PRODH2: variants seen among roughly 807,000 people sequenced by gnomAD.
PRODH2 encodes proline dehydrogenase 2.
A neutral mutation model predicts 51.9 loss-of-function variants in PRODH2; 49 were observed. That is an observed-to-expected ratio of 0.94 (90% CI 0.75 to 1.20). The LOEUF is 1.20. Among genes scored for constraint, PRODH2 ranks in the 50% most tolerant of loss-of-function variants. The pLI, the probability that PRODH2 is intolerant of heterozygous loss-of-function variation, is 0.00. For synonymous variants in PRODH2, 249 were observed against 260.7 expected (o/e 0.96, Z 0.43); for missense variants, 597 against 610.9 (o/e 0.98, Z 0.24).
Position 35,803,412 on chromosome 19 carries a change from A to G in PRODH2, c.1002-334T>C, listed in dbSNP as rs549394167. The stretch of plus-strand genomic sequence containing the variant: ...TGGGATTACAGGCGTGCACCATCAC[A>G]CCCGGCTAATTTTTGTATTTTTAGT... On this transcript the variant is annotated intron_variant, in intron 7 of 9. Coordinates refer to ENST00000653904, the MANE Select transcript of PRODH2 (RefSeq NM_021232.2). Among the ~76,000 whole-genome samples the G allele has an allele frequency of 2.0e-5, 3 of 151,976 alleles. No individual in the cohort carries two copies. The South Asian group carries it at 6.3e-4, about 32-fold the overall frequency.
At chr19:35,802,305 G>T in intron 8 of PRODH2, 29 bp from the exon 9 acceptor site, 2 of 1,604,358 alleles carry the variant, frequency 1.2e-6, no homozygotes, top group Non-Finnish European at 1.7e-6. Context: ...CATCAGTCCA[G>T]ACTGTGGCTG....
chr19:35,812,257 C>A lies in PRODH2; in HGVS notation c.387G>T (p.Glu129Asp). ...SAAKSGEAWY[E>D]GNLGAMLRCV... ...ACCGCAGCATAGCACCGAGGTTCCC[C>A]TCATACCACGCCTCACTGCCCAGCC... The change falls in exon 3 of 10, where the codon GAG becomes GAT. Residue 129 changes from glutamate to aspartate, a missense_variant. Glu to Asp is a conservative substitution (Grantham distance 45). Transcript: ENST00000653904. 6.2e-7 allele frequency: 1 copy of A among 1,613,602 alleles called. No homozygotes were observed. Among genetic ancestry groups the A allele is most frequent in the South Asian group, 1.1e-5 (1 of 91,068 alleles).
chr19:35,812,603 C>G, intron 1 of PRODH2, 29 bp downstream of exon 1: 1 of 1,598,932 alleles, frequency 6.3e-7, no homozygotes, highest in Non-Finnish European at 8.5e-7. Flanking sequence ...TGAGGAGCCT[C>G]CAGGCTGGTC....
chr19:35,800,251 G>C (rs556269960), intron 9 of PRODH2, 29 bp from the exon 10 acceptor site: 1 of 1,503,960 alleles, frequency 6.6e-7, no homozygotes, highest in Admixed American at 2.2e-5. Context: ...TTGTTTTTTC[G>C]TTTTTGGTGT....
chr19:35,802,999 T>G lies in PRODH2; in HGVS notation c.1081A>C (p.Asn361His). ...PMCHLMVASH[N>H]EESVRQATKR... The stretch of plus-strand genomic sequence containing the variant: ...GTTGCCTGGCGAACAGATTCCTCAT[T>G]GTGGGAAGCCACCATGAGGTGGCAC... Residue 361 changes from asparagine to histidine, a missense_variant, in exon 8 of 10, where the codon AAT becomes CAT. Coordinates refer to ENST00000653904, the MANE Select transcript of PRODH2 (RefSeq NM_021232.2). The G allele has an allele frequency of 6.4e-7, 1 of 1,573,970 alleles. No individual in the cohort carries two copies. The highest frequency in any genetic ancestry group is 8.7e-7 in the Non-Finnish European group (1 of 1,155,638).
Position 35,804,860 on chromosome 19 carries a change from T to A in PRODH2, c.1001+1570A>T, listed in dbSNP as rs1440493295. ...CTGAGGTGGGAGGATGGCTTGGGCC[T>A]GGGGAGTCAAGGCTGCAGTGAGCCA... On this transcript the variant is annotated intron_variant, in intron 7 of 9. Transcript: ENST00000653904. Among the ~76,000 whole-genome samples, 4 of 152,118 alleles carry A rather than the reference T, an allele frequency of 2.6e-5. No homozygotes were observed. In the East Asian group the frequency reaches 7.7e-4, roughly 29 times the overall value.
In PRODH2 at chr19:35,812,746, C is replaced by G; in HGVS notation, c.60G>C (p.Gln20His). Residue 20 changes from glutamine to histidine, a missense_variant, in exon 1 of 10, where the codon CAG becomes CAC. Physicochemically the swap from Gln to His is conservative, Grantham distance 24 (BLOSUM62 0). Coordinates refer to ENST00000653904, the MANE Select transcript of PRODH2 (RefSeq NM_021232.2). ...AGGCCCCGCCATCAAAGCTCAGGGA[C>G]TGCCAGCCCCTGGAGGGGGGACCAG... is the stretch of plus-strand genomic sequence containing the variant. ...SQAGPPSRGWQSLSFDGGAFH... is the reference protein window; with the variant it reads ...SQAGPPSRGWHSLSFDGGAFH... The G allele has an allele frequency of 6.2e-7, 1 of 1,610,828 alleles. No homozygotes were observed. Among genetic ancestry groups the G allele is most frequent in the Non-Finnish European group, 8.5e-7 (1 of 1,177,880 alleles).
At chr19:35,803,862 A>G (rs1424254626) in intron 7 of PRODH2, among the ~76,000 whole-genome samples, 1 of 152,238 alleles carries the variant, frequency 6.6e-6, no homozygotes, top group Non-Finnish European at 1.5e-5. Context: ...ATGGAAGAGG[A>G]AATAGATTGG....
rs373040285 is a variant in PRODH2 at position 35,800,147 on chromosome 19, C to G, written c.1274G>C (p.Arg425Thr). The G allele has an allele frequency of 6.2e-7, 1 of 1,605,882 alleles. No individual in the cohort carries two copies. The highest frequency in any genetic ancestry group is 1.1e-5 in the South Asian group (1 of 89,616). Residue 425 changes from arginine (R) to threonine (T), a missense_variant, in exon 10 of 10, where the codon AGG becomes ACG. Coordinates refer to ENST00000653904, the MANE Select transcript of PRODH2 (RefSeq NM_021232.2). ...AAGCACGCTCCGGTTCTCCTGGGCC[C>G]TCCGGATCAGGTAGGGGATTACCTC... ...LEEVIPYLIR[R>T]AQENRSVLQG...
intron 2 of PRODH2, 31 bp from the exon 3 acceptor site, chr19:35,812,303 C>G (rs966387289): frequency 4.3e-6 from 7 of 1,611,144 alleles, no homozygotes; most frequent in Non-Finnish European, 5.9e-6. Context: ...AGGGCCCGAA[C>G]AGCAAAGCCC....
chr19:35,807,418 T>A (rs1476606132), intron 4 of PRODH2, among the ~76,000 whole-genome samples: 6 of 152,192 alleles, frequency 3.9e-5, no homozygotes. Context: ...TTCTCCTGCT[T>A]CAGCCTCCCG....
rs371889697 is a variant in PRODH2, at chr19:35,812,554, G to A, written c.177C>T (p.Leu59=). ...WPPLVTHGLL[L]QAWSRRLLGS... is the part of the protein sequence containing the mutation. ...CCAGGAGTCGCCGAGACCAGGCCTG[G>A]AGCTGGGTGACAGGGAGCGAGGGCT... The change falls in exon 2 of 10, where the codon CTC becomes CTT. Residue 59 remains leucine, a splice_region_variant and synonymous_variant. Transcript: ENST00000653904. 2.5e-6 allele frequency: 4 copies of A among 1,613,374 alleles called. No homozygotes were observed. The highest frequency in any genetic ancestry group is 2.2e-5 in the East Asian group (1 of 44,888).
rs548599620 is a variant in PRODH2 at position 35,801,066 on chromosome 19, C to T, written c.1199-844G>A. On this transcript the variant is annotated intron_variant, in intron 9 of 9. Transcript: ENST00000653904. Reference sequence around the variant, plus strand: ...CCTATAATCCCGGCTACTGGGGAGGCGGAGGCAGGAGAATCACTTGAACCC... The same window carrying T: ...CCTATAATCCCGGCTACTGGGGAGGTGGAGGCAGGAGAATCACTTGAACCC... Among the ~76,000 whole-genome samples the T allele has an allele frequency of 2.6e-5, 4 of 152,068 alleles. No homozygotes were observed. In the East Asian group the frequency reaches 7.7e-4, roughly 29 times the overall value.
intron 5 of PRODH2, 30 bp downstream of exon 5, chr19:35,807,011 G>A (rs1016640772): frequency 1.3e-6 from 2 of 1,548,150 alleles, no homozygotes; most frequent in African/African-American, 1.4e-5. Context: ...AGGGAGGCCC[G>A]GAGGTGCTGG....
chr19:35,804,248 C>T lies in PRODH2; in HGVS notation c.1002-1170G>A, dbSNP rs545484227. Among the ~76,000 whole-genome samples, 48 of 152,262 alleles carry T rather than the reference C, an allele frequency of 3.2e-4. 1 individual carries two copies. The highest frequency in any genetic ancestry group is 1.0e-3 in the African/African-American group (43 of 41,550). Reference sequence around the variant, plus strand: ...TGTTGCCCAGGTTGGAGTGCAGTGGCGTGATCTCGGCTCACGGAATCCTCC... The same window carrying T: ...TGTTGCCCAGGTTGGAGTGCAGTGGTGTGATCTCGGCTCACGGAATCCTCC... On this transcript the variant is annotated intron_variant, in intron 7 of 9. Transcript: ENST00000653904.
intron 7 of PRODH2, among the ~76,000 whole-genome samples, chr19:35,805,161 G>A (rs1263813707): frequency 6.6e-6 from 1 of 151,992 alleles, no homozygotes; most frequent in Non-Finnish European, 1.5e-5. Flanking sequence ...GAGTGGTGAT[G>A]GTTGCACAAT....
intron 4 of PRODH2, among the ~76,000 whole-genome samples, chr19:35,808,519 G>A (rs1031543810): frequency 6.6e-6 from 1 of 152,078 alleles, no homozygotes; most frequent in East Asian, 1.9e-4. Flanking sequence ...TCCCCTGTCA[G>A]AGGATTGTCT....
intron 4 of PRODH2, among the ~76,000 whole-genome samples, chr19:35,811,127 G>A (rs1217429904): frequency 6.6e-6 from 1 of 151,990 alleles, no homozygotes; most frequent in African/African-American, 2.4e-5. Context: ...GGGCATGGAT[G>A]TTCATGTACA....
intron 4 of PRODH2, among the ~76,000 whole-genome samples, chr19:35,809,205 C>A (rs1056574139): frequency 7.2e-5 from 11 of 151,788 alleles, no homozygotes; most frequent in African/African-American, 2.2e-4. Context: ...GCAATCCTCC[C>A]ACCTTAGCCT....
Sources: gnomAD v4.1 joint callset for allele counts (sites outside exome capture counted in the v4.1 genomes callset) on GRCh38, gnomAD v4.1.1 for gene constraint, MANE v1.5 for transcripts, NCBI Gene and HGNC (gene_info 2026-07-23, HGNC 2026-07-21) for gene names.